ADAMTS17: variants seen among roughly 807,000 people sequenced by gnomAD.
The protein encoded by ADAMTS17 is ADAM metallopeptidase with thrombospondin type 1 motif 17.
In ADAMTS17, 113 loss-of-function variants were observed where a neutral mutation model predicts 141.5. The observed-to-expected ratio is 0.80, with a 90% CI of 0.69 to 0.93. ADAMTS17 has a LOEUF of 0.93. Among genes scored for constraint, ADAMTS17 ranks in the 40% least tolerant of loss-of-function variants. The probability of loss-of-function intolerance (pLI) is 0.00; values close to 1 mark genes in which losing one functional copy is unlikely to be tolerated. For synonymous variants in ADAMTS17, 768 were observed against 630.6 expected (o/e 1.22, Z -3.27); for missense variants, 1,659 against 1,517.9 (o/e 1.09, Z -1.54).
chr15:100,021,581 C>T (rs892489219), intron 18 of ADAMTS17, among the ~76,000 whole-genome samples: 1 of 152,226 alleles, frequency 6.6e-6, no homozygotes, highest in South Asian at 2.1e-4. Flanking sequence ...TAATGCCTTC[C>T]ATATCCTGAG....
intron 17 of ADAMTS17, 31 bp from the exon 18 acceptor site, chr15:100,049,023 C>T: frequency 6.2e-7 from 1 of 1,614,140 alleles, no homozygotes. Context: ...AGCTGAGAGA[C>T]TGTGGCTGCA....
intron 3 of ADAMTS17, among the ~76,000 whole-genome samples, chr15:100,300,841 TG>T (rs2045006046): frequency 6.6e-6 from 1 of 152,262 alleles, no homozygotes; most frequent in Non-Finnish European, 1.5e-5. Flanking sequence ...ATAACTTGTA[TG>T]TACACCCCAA....
At chr15:100,109,382 G>A (rs986713707) in intron 13 of ADAMTS17, among the ~76,000 whole-genome samples, 3 of 151,608 alleles carry the variant, frequency 2.0e-5, no homozygotes, top group Non-Finnish European at 2.9e-5. Flanking sequence ...TTTCCTTAAG[G>A]CATCAACTAT....
At chr15:100,210,961 C>A (rs749386878) in intron 7 of ADAMTS17, among the ~76,000 whole-genome samples, 4 of 151,926 alleles carry the variant, frequency 2.6e-5, no homozygotes, top group Non-Finnish European at 5.9e-5. Context: ...ATTAGCTGGG[C>A]GTGGTGGCAG....
At position 100,341,339 on chromosome 15, in the gene ADAMTS17, C is replaced by T. The variant is rs2046360433; in HGVS notation, c.150G>A (p.Leu50=). Residue 50 remains leucine (L), a synonymous_variant, in exon 2 of 22, where the codon CTG becomes CTA. Transcript: ENST00000268070. ...GCCCGGGGGCTGCGGGCAGCGGCGGCAGGTGCACGTCGTCGGGGCGCACCC... is the reference window on the plus strand; with the variant it reads ...GCCCGGGGGCTGCGGGCAGCGGCGGTAGGTGCACGTCGTCGGGGCGCACCC... ...PWRVRPDDVH[L]PPLPAAPGPR... 1.6e-5 allele frequency: 16 copies of T among 1,022,008 alleles called. No homozygotes were observed. Among genetic ancestry groups the T allele is most frequent in the Non-Finnish European group, 1.9e-5 (16 of 856,202 alleles). 63.3% of individuals were successfully genotyped at this position (1,022,008 alleles called of 1,614,324 possible).
chr15:100,180,315 T>G (rs1567310475), intron 8 of ADAMTS17, among the ~76,000 whole-genome samples: 1 of 152,214 alleles, frequency 6.6e-6, no homozygotes, highest in Non-Finnish European at 1.5e-5. Flanking sequence ...TCGTCAAAAA[T>G]GAGTTCACTG....
At chr15:100,259,065 G>T (rs1160693025) in intron 6 of ADAMTS17, among the ~76,000 whole-genome samples, 1 of 152,128 alleles carries the variant, frequency 6.6e-6, no homozygotes, top group Non-Finnish European at 1.5e-5. Flanking sequence ...ATTACCATAA[G>T]CCATTAATTA....
At chr15:100,063,697 G>C in intron 15 of ADAMTS17, 1 of 1,289,942 alleles carries the variant, frequency 7.8e-7, no homozygotes, top group East Asian at 5.6e-5. Context: ...CTGTGGGCAG[G>C]TTTATCCTCC....
chr15:100,273,622 T>C (rs1370274327), intron 4 of ADAMTS17, among the ~76,000 whole-genome samples: 1 of 152,196 alleles, frequency 6.6e-6, no homozygotes, highest in African/African-American at 2.4e-5. Context: ...ATTTTCTTAA[T>C]CTTTCCAAAG....
intron 18 of ADAMTS17, among the ~76,000 whole-genome samples, chr15:99,998,680 G>C (rs1045714788): frequency 6.6e-6 from 1 of 152,164 alleles, no homozygotes; most frequent in Non-Finnish European, 1.5e-5. Flanking sequence ...AGGCATCTCT[G>C]TTGGCCTCAG....
chr15:100,148,056 TCTC>T (rs1326823152), intron 10 of ADAMTS17, among the ~76,000 whole-genome samples: 1 of 152,218 alleles, frequency 6.6e-6, no homozygotes, highest in African/African-American at 2.4e-5. Flanking sequence ...CTCACCCTGA[TCTC>T]CTGCCTCCTT....
chr15:100,263,633 A>G (rs1216640848), intron 4 of ADAMTS17, among the ~76,000 whole-genome samples: 2 of 152,118 alleles, frequency 1.3e-5, no homozygotes, highest in African/African-American at 4.8e-5. Flanking sequence ...GGTCATTATG[A>G]CTCTGCCGAG....
At chr15:100,064,914 G>A (rs1376090618) in intron 15 of ADAMTS17, among the ~76,000 whole-genome samples, 1 of 152,164 alleles carries the variant, frequency 6.6e-6, no homozygotes, top group Non-Finnish European at 1.5e-5. Flanking sequence ...TTCAGATGAG[G>A]ATCTCAACTT....
intron 18 of ADAMTS17, among the ~76,000 whole-genome samples, chr15:100,036,499 G>A (rs964423992): frequency 6.6e-6 from 1 of 152,218 alleles, no homozygotes; most frequent in Non-Finnish European, 1.5e-5. Context: ...CTCTGGGCTG[G>A]TGTGTCAGCC....
chr15:100,319,907 G>T (rs2045679551), intron 3 of ADAMTS17, among the ~76,000 whole-genome samples: 1 of 152,036 alleles, frequency 6.6e-6, no homozygotes, highest in South Asian at 2.1e-4. Context: ...TCCAGCCTGG[G>T]CAGCAAGAGC....
chr15:100,001,748 A>G (rs1255766728), intron 18 of ADAMTS17, among the ~76,000 whole-genome samples: 3 of 152,038 alleles, frequency 2.0e-5, no homozygotes, highest in Non-Finnish European at 4.4e-5. Flanking sequence ...AGGTGGGTGG[A>G]TCTCCTGAGG....
chr15:100,244,861 C>G (rs887848426), intron 7 of ADAMTS17, among the ~76,000 whole-genome samples: 1 of 152,134 alleles, frequency 6.6e-6, no homozygotes, highest in Non-Finnish European at 1.5e-5. Flanking sequence ...AAGAGCTCCT[C>G]AGGACTCACA....
intron 15 of ADAMTS17, among the ~76,000 whole-genome samples, chr15:100,079,223 C>A (rs1177010627): frequency 1.3e-5 from 2 of 152,184 alleles, no homozygotes; most frequent in Non-Finnish European, 2.9e-5. Flanking sequence ...GAAATGAAAA[C>A]ATGTCCACAT....
At chr15:100,004,307 C>G (rs968412) in intron 18 of ADAMTS17, among the ~76,000 whole-genome samples, 91,239 of 152,002 alleles carry the variant, frequency 0.6, 27,940 homozygotes, top group African/African-American at 0.72. Flanking sequence ...GAGGTATGGG[C>G]AGAAAATGAC....
Sources: allele counts gnomAD v4.1 joint callset (sites outside exome capture counted in the v4.1 genomes callset), GRCh38; gene constraint gnomAD v4.1.1; transcripts MANE v1.5; gene names NCBI Gene and HGNC (gene_info 2026-07-23, HGNC 2026-07-21).